The following PDIA5 variants were observed in gnomAD, a reference collection of about 807,000 sequenced individuals.
The protein encoded by PDIA5 is protein disulfide isomerase family A member 5, also known as protein disulfide-isomerase A5.
Under a neutral mutation model 77.6 loss-of-function variants are expected in PDIA5, and 58 were observed. The ratio of observed to expected loss-of-function variants is 0.75; its 90% CI spans 0.61 to 0.93. PDIA5 has a LOEUF of 0.93. Among genes scored for constraint, PDIA5 ranks in the 40% least tolerant of loss-of-function variants. The pLI, the probability that PDIA5 is intolerant of heterozygous loss-of-function variation, is 0.00. For missense variants in PDIA5, 630 were observed against 647.7 expected, an observed-to-expected ratio of 0.97 and a Z score of 0.30; for synonymous variants, 250 against 252.1, an observed-to-expected ratio of 0.99 and a Z score of 0.08.
rs372302627 is a variant in PDIA5, at chr3:123,149,732, C to T, written c.1143-502C>T. On this transcript the variant is annotated intron_variant, in intron 13 of 16. Coordinates refer to ENST00000316218, the MANE Select transcript of PDIA5 (RefSeq NM_006810.4). ...CATTTAACAGAAAAGAAAACGGAGGCTCAGAGGGGTTTAGTAACTTACCTA... is the reference window on the plus strand; with the variant it reads ...CATTTAACAGAAAAGAAAACGGAGGTTCAGAGGGGTTTAGTAACTTACCTA... Among the ~76,000 whole-genome samples, 5 of 152,294 alleles carry T rather than the reference C, an allele frequency of 3.3e-5. No homozygotes were observed. The East Asian group carries it at 5.8e-4, about 18-fold the overall frequency.
intron 13 of PDIA5, 30 bp downstream of exon 13, chr3:123,146,289 T>A (rs2673345): frequency 0.56 from 889,122 of 1,597,294 alleles, 253,147 homozygotes; most frequent in East Asian, 0.85. Context: ...TAGCACATCC[T>A]AACTGCCAGC....
At chr3:123,142,395 T>A (rs1935661922) in intron 11 of PDIA5, among the ~76,000 whole-genome samples, 1 of 152,206 alleles carries the variant, frequency 6.6e-6, no homozygotes, top group Admixed American at 6.5e-5. Context: ...AAACAACCCT[T>A]TTGTGACTGG....
intron 5 of PDIA5, among the ~76,000 whole-genome samples, chr3:123,104,753 T>A (rs2107935418): frequency 6.6e-6 from 1 of 152,338 alleles, no homozygotes; most frequent in Non-Finnish European, 1.5e-5. Flanking sequence ...GACTCACTGA[T>A]GACCTCAGGG....
At chr3:123,149,563 G>A (rs1319496274) in intron 13 of PDIA5, among the ~76,000 whole-genome samples, 1 of 149,850 alleles carries the variant, frequency 6.7e-6, no homozygotes, top group Non-Finnish European at 1.5e-5. Context: ...GGGACCCAGT[G>A]GACAGCAAGA....
intron 3 of PDIA5, among the ~76,000 whole-genome samples, chr3:123,099,483 G>A (rs754363621): frequency 6.6e-6 from 1 of 152,212 alleles, no homozygotes; most frequent in African/African-American, 2.4e-5. Flanking sequence ...GAGAGAGAGT[G>A]CAGGGGATGG....
chr3:123,090,582 G>A (rs1314860727), intron 2 of PDIA5, among the ~76,000 whole-genome samples: 1 of 152,224 alleles, frequency 6.6e-6, no homozygotes, highest in African/African-American at 2.4e-5. Flanking sequence ...GCAGGTGGGA[G>A]CTGGTCCCCT....
chr3:123,069,906 A>T (rs992188458), intron 1 of PDIA5, among the ~76,000 whole-genome samples: 1 of 152,082 alleles, frequency 6.6e-6, no homozygotes, highest in African/African-American at 2.4e-5. Context: ...CCTGGCCAAC[A>T]TGGTGAAACC....
intron 7 of PDIA5, among the ~76,000 whole-genome samples, chr3:123,112,534 C>CTTTTTTTTTTT (rs55977938): frequency 3.3e-5 from 2 of 61,454 alleles, no homozygotes; most frequent in Non-Finnish European, 5.5e-5. Flanking sequence ...CAGCCCTATT[C>CTTTTTTTTTTT]TTTTTTTTTT....
intron 11 of PDIA5, among the ~76,000 whole-genome samples, chr3:123,137,337 T>C (rs1935525889): frequency 6.6e-6 from 1 of 152,256 alleles, no homozygotes; most frequent in African/African-American, 2.4e-5. Context: ...TCATACACTT[T>C]GCTCATTTTT....
chr3:123,075,635 G>A (rs1333950538), intron 1 of PDIA5, among the ~76,000 whole-genome samples: 1 of 152,076 alleles, frequency 6.6e-6, no homozygotes, highest in African/African-American at 2.4e-5. Flanking sequence ...GGAGGAGCAG[G>A]GGAGATGGAA....
intron 15 of PDIA5, among the ~76,000 whole-genome samples, chr3:123,155,973 G>A (rs1273399886): frequency 6.6e-6 from 1 of 152,058 alleles, no homozygotes; most frequent in Non-Finnish European, 1.5e-5. Context: ...GCAGGAAAGG[G>A]GAGCAGGTAT....
chr3:123,118,927 G>C (rs1576451250), intron 8 of PDIA5, among the ~76,000 whole-genome samples: 1 of 152,272 alleles, frequency 6.6e-6, no homozygotes, highest in African/African-American at 2.4e-5. Flanking sequence ...CAGGTTATAA[G>C]GTTAACTGCA....
chr3:123,156,137 C>G (rs576922391), intron 15 of PDIA5, among the ~76,000 whole-genome samples: 1 of 152,298 alleles, frequency 6.6e-6, no homozygotes, highest in East Asian at 1.9e-4. Flanking sequence ...ATCACCTTAA[C>G]AGGCCCAGAG....
chr3:123,071,859 G>T (rs1041678391), intron 1 of PDIA5, among the ~76,000 whole-genome samples: 2 of 152,206 alleles, frequency 1.3e-5, no homozygotes, highest in African/African-American at 4.8e-5. Flanking sequence ...CCCGGTCCGT[G>T]TTTGGCTGAT....
At chr3:123,159,163 G>A (rs1936091842) in intron 15 of PDIA5, among the ~76,000 whole-genome samples, 1 of 152,234 alleles carries the variant, frequency 6.6e-6, no homozygotes, top group Non-Finnish European at 1.5e-5. Flanking sequence ...GCAGCCCAGA[G>A]CCATGTTCAT....
At chr3:123,103,244 T>G (rs1934647639) in intron 5 of PDIA5, among the ~76,000 whole-genome samples, 1 of 152,196 alleles carries the variant, frequency 6.6e-6, no homozygotes, top group African/African-American at 2.4e-5. Context: ...AGGAGTTCCC[T>G]GCTATCAATC....
chr3:123,105,029 G>T (rs955269882), intron 5 of PDIA5, among the ~76,000 whole-genome samples: 1 of 152,194 alleles, frequency 6.6e-6, no homozygotes, highest in Non-Finnish European at 1.5e-5. Context: ...ACGTTAAAAG[G>T]CCATTTATCT....
Position 123,135,125 on chromosome 3 carries a change from G to A in PDIA5, c.910+4509G>A, listed in dbSNP as rs183026046. On this transcript the variant is annotated intron_variant, in intron 11 of 16. Transcript: ENST00000316218. The stretch of plus-strand genomic sequence containing the variant: ...CACCTTTTTGTTTGTGTTTTTCTGC[G>A]GCGTTCCATATGAGAGAAGTCAGAG... 3.3e-5 allele frequency among the ~76,000 whole-genome samples: 5 copies of A among 152,286 alleles called. No individual in the cohort carries two copies. In the East Asian group the frequency reaches 7.7e-4, roughly 24 times the overall value.
Position 123,150,315 on chromosome 3 carries a change from G to A in PDIA5, c.1224G>A (p.Arg408=), listed in dbSNP as rs756695463. ...TGCACCTGGTGGGGGACAACTTCCG[G>A]GAGACCCTGAAGAAGAAGAAACACA... The part of the protein sequence containing the change: ...SVLHLVGDNF[R]ETLKKKKHTL... The change falls in exon 14 of 17, where the codon CGG becomes CGA. Residue 408 remains arginine (R), a synonymous_variant. Coordinates refer to ENST00000316218, the MANE Select transcript of PDIA5 (RefSeq NM_006810.4). 6.8e-6 allele frequency: 11 copies of A among 1,613,850 alleles called. No homozygotes were observed. The East Asian group carries it at 2.5e-4, about 36-fold the overall frequency.
Sources: gnomAD v4.1 joint callset for allele counts (sites outside exome capture counted in the v4.1 genomes callset) on GRCh38, gnomAD v4.1.1 for gene constraint, MANE v1.5 for transcripts, NCBI Gene and HGNC (gene_info 2026-07-23, HGNC 2026-07-21) for gene names.